The following TENM4 variants were observed in gnomAD, a reference collection of about 807,000 sequenced individuals.
The protein encoded by TENM4 is teneurin-4.
A neutral mutation model predicts 243.3 loss-of-function variants in TENM4; 82 were observed. That is an observed-to-expected ratio of 0.34 (90% CI 0.28 to 0.40). The LOEUF (loss-of-function observed/expected upper bound fraction) is 0.40, where lower values mean the gene tolerates loss of function less well. Ranked by LOEUF, TENM4 falls within the 10% of genes least tolerant of loss-of-function variation. The pLI, the probability that TENM4 is intolerant of heterozygous loss-of-function variation, is 1.00. For synonymous variants in TENM4, 1,412 were observed against 1,456.3 expected (o/e 0.97, Z 0.69); for missense variants, 3,138 against 3,673.3 (o/e 0.85, Z 3.77).
intron 9 of TENM4, among the ~76,000 whole-genome samples, chr11:78,877,888 C>T (rs531236844): frequency 6.6e-6 from 1 of 152,290 alleles, no homozygotes; most frequent in Middle Eastern, 3.4e-3. Context: ...ATTTCATCTC[C>T]ACAGCAGCCT....
At chr11:79,025,778 G>C (rs1021581437) in intron 6 of TENM4, among the ~76,000 whole-genome samples, 1 of 152,158 alleles carries the variant, frequency 6.6e-6, no homozygotes, top group Non-Finnish European at 1.5e-5. Context: ...CTGTCAGGCT[G>C]ACAACTCTCT....
intron 6 of TENM4, among the ~76,000 whole-genome samples, chr11:79,057,632 G>C (rs1290854332): frequency 6.6e-6 from 1 of 152,136 alleles, no homozygotes; most frequent in African/African-American, 2.4e-5. Context: ...TTTCCCACTA[G>C]AATGTATCTC....
chr11:78,672,782 T>C (rs1858364550), intron 30 of TENM4, among the ~76,000 whole-genome samples: 1 of 152,152 alleles, frequency 6.6e-6, no homozygotes, highest in Non-Finnish European at 1.5e-5. Context: ...TGAAGGGATT[T>C]ACCCTGGATC....
chr11:79,193,947 G>C (rs1018034823), intron 3 of TENM4, among the ~76,000 whole-genome samples: 6 of 152,052 alleles, frequency 3.9e-5, no homozygotes, highest in African/African-American at 1.4e-4. Flanking sequence ...AATATGGTTT[G>C]GCTGTGTCTC....
chr11:79,234,269 C>G (rs572882283), intron 2 of TENM4, among the ~76,000 whole-genome samples: 2 of 152,150 alleles, frequency 1.3e-5, no homozygotes, highest in Non-Finnish European at 2.9e-5. Flanking sequence ...TATAAAGAAG[C>G]CTGTCAAGTA....
chr11:79,113,403 G>GTGTGTGTGTGTGTGTA (rs1464511051), intron 4 of TENM4, among the ~76,000 whole-genome samples: 38 of 151,636 alleles, frequency 2.5e-4, no homozygotes, highest in Middle Eastern at 3.4e-3. Flanking sequence ...GTGTGTGTGT[G>GTGTGTGTGTGTGTGTA]TGTGTGTGTG....
chr11:79,353,374 T>A (rs1281168266), intron 1 of TENM4, among the ~76,000 whole-genome samples: 1 of 152,184 alleles, frequency 6.6e-6, no homozygotes, highest in East Asian at 1.9e-4. Context: ...AGAGACTACA[T>A]CCTGATGGTC....
intron 28 of TENM4, among the ~76,000 whole-genome samples, chr11:78,689,314 T>C (rs934379159): frequency 6.6e-6 from 1 of 152,198 alleles, no homozygotes; most frequent in Non-Finnish European, 1.5e-5. Context: ...ATTTTAATTA[T>C]TGTTTTTAAT....
At chr11:78,936,288 C>T (rs2043923596) in intron 6 of TENM4, among the ~76,000 whole-genome samples, 2 of 152,306 alleles carry the variant, frequency 1.3e-5, no homozygotes, top group South Asian at 4.1e-4. Flanking sequence ...TCACTTTCTT[C>T]ATTTATAAAA....
In TENM4 at chr11:79,095,186, C is replaced by T. The variant is rs531256907; in HGVS notation, c.-65-25177G>A. 9.2e-5 allele frequency among the ~76,000 whole-genome samples: 14 copies of T among 152,164 alleles called. No homozygotes were observed. In the East Asian group the frequency reaches 2.7e-3, roughly 29 times the overall value. On this transcript the variant is annotated intron_variant, in intron 4 of 33. Coordinates refer to ENST00000278550, the MANE Select transcript of TENM4 (RefSeq NM_001098816.3). Reference sequence around the variant, plus strand: ...TCTGCCCACAGAAATAGCCCTAGAGCCAGCCTTCACTCCTCATGGCAACCC... The same window carrying T: ...TCTGCCCACAGAAATAGCCCTAGAGTCAGCCTTCACTCCTCATGGCAACCC...
chr11:78,789,766 C>T (rs1591025643), intron 15 of TENM4, among the ~76,000 whole-genome samples: 3 of 152,318 alleles, frequency 2.0e-5, no homozygotes, highest in Admixed American at 6.5e-5. Context: ...AGAGAAGAGG[C>T]AGGCTTTTCC....
At chr11:78,780,893 C>T (rs1277416251) in intron 16 of TENM4, among the ~76,000 whole-genome samples, 4 of 152,118 alleles carry the variant, frequency 2.6e-5, no homozygotes, top group African/African-American at 9.7e-5. Flanking sequence ...TTTCAGGAGA[C>T]AAAAGTAGAC....
intron 12 of TENM4, among the ~76,000 whole-genome samples, chr11:78,848,842 A>T (rs2136191507): frequency 6.7e-6 from 1 of 149,236 alleles, no homozygotes; most frequent in African/African-American, 2.4e-5. Context: ...GAAGGAAGGA[A>T]GGAAGGAGGA....
At chr11:78,799,063 G>A (rs532110466) in intron 15 of TENM4, among the ~76,000 whole-genome samples, 5 of 152,272 alleles carry the variant, frequency 3.3e-5, no homozygotes, top group South Asian at 2.1e-4. Flanking sequence ...ATGTGTCAGC[G>A]TGGGAGCAGG....
intron 2 of TENM4, among the ~76,000 whole-genome samples, chr11:79,247,219 C>T (rs1182429050): frequency 6.6e-6 from 1 of 151,782 alleles, no homozygotes. Flanking sequence ...GAGATTGAGA[C>T]CAGCCTGGCC....
At chr11:79,253,038 G>T (rs1030280097) in intron 2 of TENM4, among the ~76,000 whole-genome samples, 4 of 152,220 alleles carry the variant, frequency 2.6e-5, no homozygotes, top group African/African-American at 9.6e-5. Context: ...ATTTTACGGT[G>T]AAGAAAAGAC....
intron 4 of TENM4, among the ~76,000 whole-genome samples, chr11:79,076,186 G>T (rs935468786): frequency 6.6e-6 from 1 of 152,162 alleles, no homozygotes; most frequent in African/African-American, 2.4e-5. Context: ...TTTGAGGCCA[G>T]GCTAAAAGAT....
Position 79,064,930 on chromosome 11 carries a change from C to G in TENM4, c.301G>C (p.Gly101Arg). Residue 101 changes from glycine to arginine, a missense_variant, in exon 6 of 34, where the codon GGC becomes CGC. Around this residue, in one of 2 missense-constraint regions of TENM4, gnomAD observed 671 missense variants for 614.1 expected, o/e 1.09. Coordinates refer to ENST00000278550, the MANE Select transcript of TENM4 (RefSeq NM_001098816.3). ...ATGGAGTAGCCGCAGTGGGGGAGGC[C>G]AATGTCTGTCCGGTACAGGGTCCCG... The part of the protein sequence containing the change: ...PHGTLYRTDI[G>R]LPHCGYSMGA... The G allele has an allele frequency of 6.5e-7, 1 of 1,536,546 alleles. No individual in the cohort carries two copies.
At chr11:79,162,951 G>C (rs997382012) in intron 3 of TENM4, among the ~76,000 whole-genome samples, 1 of 152,224 alleles carries the variant, frequency 6.6e-6, no homozygotes, top group Admixed American at 6.5e-5. Context: ...CTCTGAGGGA[G>C]CTATTTCTGC....
Sources: allele counts gnomAD v4.1 joint callset (sites outside exome capture counted in the v4.1 genomes callset), GRCh38; gene constraint gnomAD v4.1.1; regional missense constraint gnomAD v4.1.1; transcripts MANE v1.5; gene names NCBI Gene and HGNC (gene_info 2026-07-23, HGNC 2026-07-21).